Variants in COG3 observed in about 807,000 individuals in gnomAD.
The protein encoded by COG3 is component of oligomeric golgi complex 3.
In COG3, 32 loss-of-function variants were observed where a neutral mutation model predicts 114.1. That is an observed-to-expected ratio of 0.28 (90% CI 0.21 to 0.38). The LOEUF (loss-of-function observed/expected upper bound fraction) is 0.38. Among genes scored for constraint, COG3 ranks in the 10% least tolerant of loss-of-function variants. The probability of loss-of-function intolerance (pLI) is 1.00; values close to 1 mark genes in which losing one functional copy is unlikely to be tolerated. For missense variants in COG3, 813 were observed against 973.2 expected, an observed-to-expected ratio of 0.84 and a Z score of 2.19; for synonymous variants, 352 against 365.7, an observed-to-expected ratio of 0.96 and a Z score of 0.43.
chr13:45,508,564 A>T (rs1230655411), intron 14 of COG3, among the ~76,000 whole-genome samples: 1 of 152,068 alleles, frequency 6.6e-6, no homozygotes, highest in East Asian at 1.9e-4. Context: ...ATCTCCAAAA[A>T]ATAACGACAT....
chr13:45,495,075 A>G (rs1593706454), intron 12 of COG3, among the ~76,000 whole-genome samples: 1 of 137,380 alleles, frequency 7.3e-6, no homozygotes, highest in Non-Finnish European at 1.5e-5. Context: ...CGATCTCTTG[A>G]CCTCATGATC....
intron 12 of COG3, among the ~76,000 whole-genome samples, chr13:45,495,540 T>C (rs1868668264): frequency 6.6e-6 from 1 of 151,968 alleles, no homozygotes; most frequent in African/African-American, 2.4e-5. Flanking sequence ...CACGCCTGGC[T>C]AATTTTTTGT....
chr13:45,478,195 CCTTT>C (rs1886008169), intron 2 of COG3, among the ~76,000 whole-genome samples: 1 of 94,790 alleles, frequency 1.1e-5, no homozygotes, highest in Non-Finnish European at 2.4e-5. Flanking sequence ...TCTGAAATGG[CCTTT>C]TTTTTTTTTT....
intron 22 of COG3, 47 bp from the exon 23 acceptor site, chr13:45,534,655 C>T (rs552019272): frequency 4.5e-5 from 64 of 1,420,020 alleles, no homozygotes; most frequent in Admixed American, 6.5e-5. Flanking sequence ...TTCTTGAGGA[C>T]GGTATTCCAT....
chr13:45,521,112 A>G (rs961763781), intron 19 of COG3, among the ~76,000 whole-genome samples: 8 of 152,214 alleles, frequency 5.3e-5, no homozygotes, highest in African/African-American at 1.9e-4. Context: ...TGAGCCCAGT[A>G]GTTAGAGACC....
At chr13:45,477,155 G>A (rs1885919340) in intron 2 of COG3, among the ~76,000 whole-genome samples, 1 of 152,154 alleles carries the variant, frequency 6.6e-6, no homozygotes, top group African/African-American at 2.4e-5. Flanking sequence ...GATAATGCAT[G>A]TAAATTCGTT....
intron 2 of COG3, among the ~76,000 whole-genome samples, chr13:45,477,915 C>T (rs567104499): frequency 3.3e-5 from 5 of 152,118 alleles, no homozygotes; most frequent in South Asian, 4.2e-4. Flanking sequence ...CGTGAGCTAC[C>T]ATTCCCGGCC....
chr13:45,514,549 ATTCT>A (rs1871331602), intron 16 of COG3, among the ~76,000 whole-genome samples: 1 of 152,092 alleles, frequency 6.6e-6, no homozygotes, highest in Non-Finnish European at 1.5e-5. Flanking sequence ...CTTTTATCTA[ATTCT>A]GTTTCCTACA....
intron 12 of COG3, among the ~76,000 whole-genome samples, chr13:45,494,638 C>T (rs1404318568): frequency 2.0e-5 from 3 of 151,878 alleles, no homozygotes; most frequent in Non-Finnish European, 2.9e-5. Flanking sequence ...TGATCTCCCA[C>T]CTCAGTCTCT....
At chr13:45,497,865 C>T (rs1300665170) in intron 13 of COG3, among the ~76,000 whole-genome samples, 2 of 152,110 alleles carry the variant, frequency 1.3e-5, no homozygotes, top group Non-Finnish European at 2.9e-5. Context: ...TAACTTTACA[C>T]TCCTGAAGTT....
intron 8 of COG3, among the ~76,000 whole-genome samples, chr13:45,489,317 G>T (rs1158898732): frequency 2.7e-5 from 3 of 112,800 alleles, no homozygotes; most frequent in Non-Finnish European, 5.4e-5. Context: ...TTTGAAATGG[G>T]AGAAACTTAG....
rs1421520575 is a variant in COG3 at position 45,529,783 on chromosome 13, A to C, written c.2231-8A>C. On this transcript the variant is annotated splice_polypyrimidine_tract_variant and splice_region_variant and intron_variant, in intron 20 of 22. Transcript: ENST00000349995. ...TTTATGACACTAATGAGGTTACTTT[A>C]TTTCCAGCAAAGGTCAATGACCTTG... 6.2e-7 allele frequency: 1 copy of C among 1,601,420 alleles called. No individual in the cohort carries two copies. Among genetic ancestry groups the C allele is most frequent in the East Asian group, 2.2e-5 (1 of 44,690 alleles).
chr13:45,499,175 T>C (rs1310670334), intron 13 of COG3, among the ~76,000 whole-genome samples: 2 of 152,040 alleles, frequency 1.3e-5, no homozygotes, highest in Non-Finnish European at 1.5e-5. Context: ...ACAGGGTTCT[T>C]CCTTTTCCCA....
intron 12 of COG3, among the ~76,000 whole-genome samples, chr13:45,494,594 C>T (rs944247212): frequency 1.3e-5 from 2 of 152,236 alleles, no homozygotes; most frequent in East Asian, 1.9e-4. Context: ...GGCACCATCT[C>T]GGCTCACTAC....
At chr13:45,494,718 G>C (rs1274687995) in intron 12 of COG3, among the ~76,000 whole-genome samples, 1 of 151,994 alleles carries the variant, frequency 6.6e-6, no homozygotes, top group Non-Finnish European at 1.5e-5. Flanking sequence ...TAGAGAGGGG[G>C]TTTTGCCATG....
intron 8 of COG3, among the ~76,000 whole-genome samples, chr13:45,489,404 A>G (rs147340178): frequency 9.9e-4 from 151 of 151,846 alleles, no homozygotes; most frequent in South Asian, 2.3e-3. Flanking sequence ...ATGTCAGTTT[A>G]TGGCATGAAG....
intron 19 of COG3, among the ~76,000 whole-genome samples, chr13:45,521,957 C>T (rs1350397916): frequency 3.3e-5 from 5 of 152,026 alleles, no homozygotes; most frequent in South Asian, 2.1e-4. Flanking sequence ...TGTGTGCCAC[C>T]GTGCCTGGCT....
chr13:45,514,866 TC>T (rs1446510108), intron 16 of COG3, among the ~76,000 whole-genome samples: 1 of 152,032 alleles, frequency 6.6e-6, no homozygotes, highest in Non-Finnish European at 1.5e-5. Context: ...CAGGATGGTT[TC>T]TCTGTCTCCT....
At chr13:45,504,374 T>C (rs1229357203) in intron 14 of COG3, among the ~76,000 whole-genome samples, 2 of 152,216 alleles carry the variant, frequency 1.3e-5, no homozygotes, top group Non-Finnish European at 2.9e-5. Context: ...CATGTCCTAG[T>C]ATACCTCTTG....
Sources: allele counts gnomAD v4.1 joint callset (sites outside exome capture counted in the v4.1 genomes callset), GRCh38; gene constraint gnomAD v4.1.1; transcripts MANE v1.5; gene names NCBI Gene and HGNC (gene_info 2026-07-23, HGNC 2026-07-21).